MACROD2: variants seen among roughly 807,000 people sequenced by gnomAD.
MACROD2 encodes ADP-ribose glycohydrolase MACROD2.
Under a neutral mutation model 70.4 loss-of-function variants are expected in MACROD2, and 36 were observed. The observed-to-expected ratio is 0.51, with a 90% confidence interval of 0.39 to 0.68. The LOEUF (loss-of-function observed/expected upper bound fraction) is 0.68, where lower values mean the gene tolerates loss of function less well. Among genes scored for constraint, MACROD2 ranks in the 30% least tolerant of loss-of-function variants. MACROD2 has a pLI of 0.00. For missense variants in MACROD2, 496 were observed against 538.4 expected (o/e 0.92, Z 0.78); for synonymous variants, 172 against 178.8 (o/e 0.96, Z 0.30).
rs967099381 is a variant in MACROD2 at position 14,656,336 on chromosome 20, T to C, written c.302-28507T>C. ...AAATTCATATAGCCAATTGGCGATC[T>C]CCTTATAGCCATTCTAACTTTAAAA... is the stretch of plus-strand genomic sequence containing the variant. On this transcript the variant is annotated intron_variant, in intron 4 of 17. Transcript: ENST00000684519. Among the ~76,000 whole-genome samples, 29 of 152,194 alleles carry C rather than the reference T, an allele frequency of 1.9e-4. 1 individual carries two copies. Among genetic ancestry groups the C allele is most frequent in the Non-Finnish European group, 4.4e-5 (3 of 68,022 alleles).
intron 5 of MACROD2, among the ~76,000 whole-genome samples, chr20:14,875,474 G>A (rs888285719): frequency 2.0e-5 from 3 of 152,128 alleles, no homozygotes; most frequent in African/African-American, 4.8e-5. Context: ...AAGCATTTAA[G>A]TATTTTGATT....
chr20:14,982,281 T>C (rs1303239399), intron 5 of MACROD2, among the ~76,000 whole-genome samples: 1 of 152,122 alleles, frequency 6.6e-6, no homozygotes, highest in Non-Finnish European at 1.5e-5. Flanking sequence ...AAATGGAACA[T>C]AAAATTTGGA....
chr20:14,459,417 T>C (rs1268187211), intron 3 of MACROD2, among the ~76,000 whole-genome samples: 1 of 151,990 alleles, frequency 6.6e-6, no homozygotes, highest in Non-Finnish European at 1.5e-5. Context: ...CATTTTTGTA[T>C]TTAAAAATCT....
At chr20:14,512,394 G>A (rs953707160) in intron 4 of MACROD2, among the ~76,000 whole-genome samples, 1 of 152,122 alleles carries the variant, frequency 6.6e-6, no homozygotes, top group African/African-American at 2.4e-5. Flanking sequence ...AAGGCTTGGG[G>A]GTGGAAGATG....
chr20:14,508,780 A>G (rs922625591), intron 4 of MACROD2, among the ~76,000 whole-genome samples: 8 of 152,190 alleles, frequency 5.3e-5, no homozygotes, highest in African/African-American at 1.7e-4. Flanking sequence ...AATTAAAACA[A>G]TTACACAGTG....
chr20:14,993,924 C>A (rs1429771715), intron 5 of MACROD2, among the ~76,000 whole-genome samples: 4 of 151,912 alleles, frequency 2.6e-5, no homozygotes, highest in African/African-American at 4.8e-5. Context: ...AGTTGGTTTG[C>A]AATGTAATTA....
chr20:15,722,625 C>T (rs557701844), intron 8 of MACROD2, among the ~76,000 whole-genome samples: 2 of 152,090 alleles, frequency 1.3e-5, no homozygotes, highest in South Asian at 4.1e-4. Context: ...AATACTAGTA[C>T]TTTGCCAGGT....
chr20:15,360,844 A>G (rs1467770612), intron 6 of MACROD2, among the ~76,000 whole-genome samples: 1 of 151,872 alleles, frequency 6.6e-6, no homozygotes, highest in African/African-American at 2.4e-5. Flanking sequence ...TTAATTTACC[A>G]TCCAAATATA....
chr20:14,329,099 C>T (rs1010003643), intron 3 of MACROD2: 1 of 152,026 alleles, frequency 6.6e-6, no homozygotes. Context: ...CAAGTATAAA[C>T]TTTGTACAGT....
intron 4 of MACROD2, among the ~76,000 whole-genome samples, chr20:14,505,412 A>C (rs1462561077): frequency 1.3e-5 from 2 of 152,196 alleles, no homozygotes; most frequent in Non-Finnish European, 2.9e-5. Context: ...TGGCCTAAAA[A>C]TTTTATGCCA....
At chr20:14,428,461 T>A (rs1280485862) in intron 3 of MACROD2, among the ~76,000 whole-genome samples, 1 of 152,140 alleles carries the variant, frequency 6.6e-6, no homozygotes, top group Non-Finnish European at 1.5e-5. Context: ...TTTTATGAAA[T>A]GAAAAGAATG....
chr20:14,552,017 A>C (rs1458482002), intron 4 of MACROD2, among the ~76,000 whole-genome samples: 1 of 151,992 alleles, frequency 6.6e-6, no homozygotes, highest in Non-Finnish European at 1.5e-5. Flanking sequence ...CAAATGTTTA[A>C]TTTCTTTAAT....
chr20:15,509,021 T>A (rs531101132), intron 8 of MACROD2, among the ~76,000 whole-genome samples: 8 of 152,306 alleles, frequency 5.3e-5, no homozygotes, highest in African/African-American at 1.9e-4. Flanking sequence ...AGGTTGAGAA[T>A]CATTTGGAGG....
At chr20:15,875,417 A>G (rs1393066744) in intron 9 of MACROD2, among the ~76,000 whole-genome samples, 3 of 152,100 alleles carry the variant, frequency 2.0e-5, no homozygotes, top group African/African-American at 2.4e-5. Context: ...ACATTTATGT[A>G]CTTTTAATGT....
rs568553774 is a variant in MACROD2, at chr20:15,785,822, T to C, written c.646-76923T>C. On this transcript the variant is annotated intron_variant, in intron 8 of 17. Coordinates refer to ENST00000684519, the MANE Select transcript of MACROD2 (RefSeq NM_001351661.2). ...TAGCCACCCTAACTTTAAAAATCAA[T>C]AATACTTTTGGACCAGTTGAAAAAA... Among the ~76,000 whole-genome samples the C allele has an allele frequency of 8.8e-4, 134 of 152,180 alleles. 1 individual carries two copies. The highest frequency in any genetic ancestry group is 3.2e-3 in the African/African-American group (132 of 41,518).
intron 8 of MACROD2, among the ~76,000 whole-genome samples, chr20:15,661,089 C>G (rs1396011458): frequency 2.0e-5 from 3 of 152,120 alleles, no homozygotes; most frequent in Admixed American, 2.0e-4. Context: ...GGGTTTAAAC[C>G]AGTGATTCTT....
rs983783335 is a variant in MACROD2 at position 14,589,982 on chromosome 20, C to T, written c.302-94861C>T. On this transcript the variant is annotated intron_variant, in intron 4 of 17. Coordinates refer to ENST00000684519, the MANE Select transcript of MACROD2 (RefSeq NM_001351661.2). ...ATGTTGGTGAAGTGTTATATTGAGCCATGGCATACATTTGTATTATAGCTT... is the reference window on the plus strand; with the variant it reads ...ATGTTGGTGAAGTGTTATATTGAGCTATGGCATACATTTGTATTATAGCTT... Among the ~76,000 whole-genome samples the T allele has an allele frequency of 3.3e-5, 5 of 152,082 alleles. No homozygotes were observed. The South Asian group carries it at 8.3e-4, about 25-fold the overall frequency.
Position 15,322,966 on chromosome 20 carries a change from CT to C in MACROD2, c.540+92906del, listed in dbSNP as rs745740747. Among the ~76,000 whole-genome samples, 4 of 144,210 alleles carry C rather than the reference CT, an allele frequency of 2.8e-5. 1 individual carries two copies. Among genetic ancestry groups the C allele is most frequent in the Admixed American group, 7.0e-5 (1 of 14,388 alleles). 94.6% of individuals were successfully genotyped at this position (144,210 alleles called of 152,430 possible). ...AGATCTGAATTCTGGTCCTGCCTCT[CT>C]GTCAGTGAGCCCTGTGGTTGTGGCT... On this transcript the variant is annotated intron_variant, in intron 6 of 17. Coordinates refer to ENST00000684519, the MANE Select transcript of MACROD2 (RefSeq NM_001351661.2).
chr20:14,012,847 C>T (rs73099768), intron 2 of MACROD2, among the ~76,000 whole-genome samples: 5,468 of 152,192 alleles, frequency 0.036, 153 homozygotes, highest in Non-Finnish European at 0.051. Context: ...TTGAGGTCAC[C>T]GCAATAGCAA....
Sources: gnomAD v4.1 joint callset for allele counts (sites outside exome capture counted in the v4.1 genomes callset) on GRCh38, gnomAD v4.1.1 for gene constraint, MANE v1.5 for transcripts, NCBI Gene and HGNC (gene_info 2026-07-23, HGNC 2026-07-21) for gene names.